TES: variants seen among roughly 807,000 people sequenced by gnomAD.
TES encodes the protein testin LIM domain protein.
A neutral mutation model predicts 48.2 loss-of-function variants in TES; 41 were observed. The observed-to-expected ratio is 0.85, with a 90% CI of 0.66 to 1.10. The LOEUF is 1.10. Ranked by LOEUF, TES falls within the 50% of genes least tolerant of loss-of-function variation. The pLI, the probability that TES is intolerant of heterozygous loss-of-function variation, is 0.00. For missense variants in TES, 463 were observed against 515.1 expected (o/e 0.90, Z 0.98); for synonymous variants, 162 against 174.9 (o/e 0.93, Z 0.58).
Position 116,252,332 on chromosome 7 carries a change from T to C in TES, c.933T>C (p.Asn311=). 1 of 1,607,554 alleles carries C rather than the reference T, an allele frequency of 6.2e-7. No homozygotes were observed. The highest frequency in any genetic ancestry group is 8.5e-7 in the Non-Finnish European group (1 of 1,174,530). The part of the protein sequence containing the change: ...CAGCDELIFS[N]EYTQAENQNW... ...CTTCTTCCTAGCTGATATTCAGCAATGAGTATACCCAGGCAGAAAACCAGA... is the reference window on the plus strand; with the variant it reads ...CTTCTTCCTAGCTGATATTCAGCAACGAGTATACCCAGGCAGAAAACCAGA... The change falls in exon 6 of 7, where the codon AAT becomes AAC. Residue 311 remains asparagine (N), a synonymous_variant. Coordinates refer to ENST00000358204, the MANE Select transcript of TES (RefSeq NM_015641.4).
chr7:116,215,758 G>A (rs530898283), intron 1 of TES, among the ~76,000 whole-genome samples: 2 of 152,114 alleles, frequency 1.3e-5, no homozygotes, highest in African/African-American at 4.8e-5. Context: ...CTCGTGTTGA[G>A]CTCTGCAGTT....
At chr7:116,243,599 G>T (rs1011225455) in intron 2 of TES, among the ~76,000 whole-genome samples, 2 of 152,058 alleles carry the variant, frequency 1.3e-5, no homozygotes, top group Admixed American at 1.3e-4. Flanking sequence ...TGTCTCACAG[G>T]CATATCAAAT....
intron 1 of TES, among the ~76,000 whole-genome samples, chr7:116,232,922 GT>G (rs750222406): frequency 6.6e-6 from 1 of 152,214 alleles, no homozygotes; most frequent in Non-Finnish European, 1.5e-5. Context: ...GTGTGGACCA[GT>G]TGGGTTTGAA....
intron 1 of TES, among the ~76,000 whole-genome samples, chr7:116,215,109 C>A (rs1799479702): frequency 6.6e-6 from 1 of 152,112 alleles, no homozygotes; most frequent in Non-Finnish European, 1.5e-5. Flanking sequence ...TAGGCCTTAG[C>A]CCCATTTTCA....
chr7:116,241,312 C>G (rs1270707460), intron 2 of TES, among the ~76,000 whole-genome samples: 1 of 152,072 alleles, frequency 6.6e-6, no homozygotes, highest in Non-Finnish European at 1.5e-5. Flanking sequence ...TTTTTAAAAC[C>G]TAAAACTAGG....
chr7:116,249,031 G>C lies in TES; in HGVS notation c.125G>C (p.Arg42Pro). 1 of 1,583,142 alleles carries C rather than the reference G, an allele frequency of 6.3e-7. No individual in the cohort carries two copies. Among genetic ancestry groups the C allele is most frequent in the South Asian group, 1.2e-5 (1 of 86,736 alleles). Residue 42 changes from arginine (R) to proline (P), a missense_variant, in exon 3 of 7, where the codon CGT becomes CCT. By Grantham distance (103) the Arg-to-Pro change is moderately radical (BLOSUM62 -2). Transcript: ENST00000358204. ...TTTCAAAATTATAGAAAAATATGTCGTAACTGCAAGTGTGGCCAAGAAGAG... is the reference window on the plus strand; with the variant it reads ...TTTCAAAATTATAGAAAAATATGTCCTAACTGCAAGTGTGGCCAAGAAGAG... The part of the protein sequence containing the change: ...FELHFWRKIC[R>P]NCKCGQEEHD...
At position 116,210,694 on chromosome 7, in the gene TES, T is replaced by C. The variant is rs1206563165; in HGVS notation, c.-14T>C. 3 of 1,284,782 alleles carry C rather than the reference T, an allele frequency of 2.3e-6. No individual in the cohort carries two copies. The highest frequency in any genetic ancestry group is 3.0e-6 in the Non-Finnish European group (3 of 1,005,380). 79.6% of individuals were successfully genotyped at this position (1,284,782 alleles called of 1,614,324 possible). A position where few individuals can be genotyped will look rare whatever the true frequency, so the allele number is the denominator to read the frequency against. On this transcript the variant is annotated 5_prime_UTR_variant, in exon 1 of 7. Coordinates refer to ENST00000358204, the MANE Select transcript of TES (RefSeq NM_015641.4). ...CCGGATAGGAGGAGGAGGGGACCCATAGGACGCGTTAACATGGACCTGGAA... is the reference window on the plus strand; with the variant it reads ...CCGGATAGGAGGAGGAGGGGACCCACAGGACGCGTTAACATGGACCTGGAA...
chr7:116,229,521 AC>A (rs1724734821), intron 1 of TES, among the ~76,000 whole-genome samples: 1 of 152,178 alleles, frequency 6.6e-6, no homozygotes, highest in African/African-American at 2.4e-5. Context: ...TTGAACTGAA[AC>A]CAAGAGGAGT....
intron 2 of TES, among the ~76,000 whole-genome samples, chr7:116,245,749 A>C (rs1254684876): frequency 5.3e-5 from 8 of 152,212 alleles, no homozygotes; most frequent in Non-Finnish European, 1.2e-4. Flanking sequence ...GCTAATAAAG[A>C]CATACCTGAG....
At chr7:116,245,966 G>C (rs971600465) in intron 2 of TES, among the ~76,000 whole-genome samples, 39 of 152,088 alleles carry the variant, frequency 2.6e-4, no homozygotes, top group Admixed American at 2.4e-3. Context: ...ACTATCATGA[G>C]AATAGCATGA....
At chr7:116,222,332 C>G (rs1210552232) in intron 1 of TES, among the ~76,000 whole-genome samples, 1 of 152,168 alleles carries the variant, frequency 6.6e-6, no homozygotes, top group Non-Finnish European at 1.5e-5. Flanking sequence ...GGGCATTACT[C>G]TCTAGGTTTC....
intron 2 of TES, among the ~76,000 whole-genome samples, chr7:116,240,453 TTCTC>T (rs1000483979): frequency 6.6e-6 from 1 of 151,854 alleles, no homozygotes; most frequent in African/African-American, 2.4e-5. Flanking sequence ...GGCTCGCTCT[TTCTC>T]TCTCTCTCAC....
At chr7:116,251,599 C>A (rs1018932799) in intron 4 of TES, 161 bp from the exon 5 acceptor site, 1 of 666,282 alleles carries the variant, frequency 1.5e-6, no homozygotes, top group Non-Finnish European at 2.6e-6. Flanking sequence ...AGGAGAACGG[C>A]GTGAACCCAG....
chr7:116,232,926 G>T (rs969582238), intron 1 of TES, among the ~76,000 whole-genome samples: 1 of 152,122 alleles, frequency 6.6e-6, no homozygotes, highest in African/African-American at 2.4e-5. Flanking sequence ...GGACCAGTTG[G>T]GTTTGAATAT....
intron 1 of TES, among the ~76,000 whole-genome samples, chr7:116,222,396 T>C (rs893404380): frequency 2.0e-5 from 3 of 152,204 alleles, no homozygotes; most frequent in African/African-American, 4.8e-5. Flanking sequence ...CCTCAGCCAA[T>C]GCCATGAGCC....
chr7:116,247,374 A>G (rs958349195), intron 2 of TES, among the ~76,000 whole-genome samples: 1 of 152,210 alleles, frequency 6.6e-6, no homozygotes, highest in African/African-American at 2.4e-5. Context: ...TTAAATAAGG[A>G]AACATATAAT....
At chr7:116,239,454 T>C (rs892633167) in intron 2 of TES, among the ~76,000 whole-genome samples, 1 of 152,230 alleles carries the variant, frequency 6.6e-6, no homozygotes, top group Admixed American at 6.5e-5. Context: ...ATATTTATTT[T>C]ATTATGTATG....
At chr7:116,252,729 C>T (rs1800037441) in intron 6 of TES, 1 of 491,582 alleles carries the variant, frequency 2.0e-6, no homozygotes, top group South Asian at 2.2e-5. Flanking sequence ...AAAATCCTCA[C>T]TTAAAAAAAT....
chr7:116,232,752 C>T (rs1799717650), intron 1 of TES, among the ~76,000 whole-genome samples: 4 of 152,220 alleles, frequency 2.6e-5, no homozygotes, highest in African/African-American at 9.6e-5. Flanking sequence ...AGTGTTGACA[C>T]TAAATATACA....
Sources: allele counts gnomAD v4.1 joint callset (sites outside exome capture counted in the v4.1 genomes callset), GRCh38; gene constraint gnomAD v4.1.1; transcripts MANE v1.5; gene names NCBI Gene and HGNC (gene_info 2026-07-23, HGNC 2026-07-21).